Variants in ALK observed in about 807,000 individuals in gnomAD.
The protein encoded by ALK is ALK tyrosine kinase receptor.
A neutral mutation model predicts 163.1 loss-of-function variants in ALK; 74 were observed. The ratio of observed to expected loss-of-function variants is 0.45; its 90% confidence interval spans 0.38 to 0.55. The LOEUF is 0.55. Ranked by LOEUF, ALK falls within the 20% of genes least tolerant of loss-of-function variation. ALK has a pLI of 0.00. For synonymous variants in ALK, 960 were observed against 843.2 expected, an observed-to-expected ratio of 1.14 and a Z score of -2.40; for missense variants, 2,063 against 2,105.3, an observed-to-expected ratio of 0.98 and a Z score of 0.39.
At chr2:29,528,686 G>A (rs758352061) in intron 4 of ALK, among the ~76,000 whole-genome samples, 7 of 152,106 alleles carry the variant, frequency 4.6e-5, no homozygotes, top group Non-Finnish European at 1.0e-4. Flanking sequence ...GCACTTATTA[G>A]TGCCAATGAT....
At chr2:29,700,880 C>A (rs534696234) in intron 2 of ALK, among the ~76,000 whole-genome samples, 2 of 152,276 alleles carry the variant, frequency 1.3e-5, no homozygotes, top group African/African-American at 4.8e-5. Context: ...CAATGACAAA[C>A]CACCTTGAAC....
At chr2:29,275,284 A>G in intron 10 of ALK, 57 bp from the exon 11 acceptor site, 4 of 1,613,186 alleles carry the variant, frequency 2.5e-6, no homozygotes, top group Non-Finnish European at 3.4e-6. Flanking sequence ...TCAGGGTGAG[A>G]GATGATTTCA....
intron 1 of ALK, among the ~76,000 whole-genome samples, chr2:29,860,272 A>C (rs888391490): frequency 3.9e-5 from 6 of 152,134 alleles, no homozygotes; most frequent in Non-Finnish European, 7.4e-5. Flanking sequence ...GGTACCTCTC[A>C]AATCCTACCA....
At chr2:29,428,483 A>T (rs1461728508) in intron 4 of ALK, among the ~76,000 whole-genome samples, 1 of 152,006 alleles carries the variant, frequency 6.6e-6, no homozygotes, top group Admixed American at 6.5e-5. Flanking sequence ...ATACTGTTTA[A>T]AAAAAGCTAT....
chr2:29,555,423 T>C (rs1304957086), intron 3 of ALK, among the ~76,000 whole-genome samples: 1 of 152,094 alleles, frequency 6.6e-6, no homozygotes, highest in African/African-American at 2.4e-5. Flanking sequence ...CTGGGTAATC[T>C]CCCCAGTCAT....
At chr2:29,279,649 G>A (rs1446543471) in intron 9 of ALK, among the ~76,000 whole-genome samples, 1 of 152,188 alleles carries the variant, frequency 6.6e-6, no homozygotes, top group Non-Finnish European at 1.5e-5. Context: ...AAGGTGCCTG[G>A]TTGTGTGTCT....
At chr2:29,900,474 C>T (rs988939227) in intron 1 of ALK, among the ~76,000 whole-genome samples, 2 of 152,230 alleles carry the variant, frequency 1.3e-5, no homozygotes, top group Non-Finnish European at 2.9e-5. Flanking sequence ...CTCCTTAGCC[C>T]CTATTTCCTA....
intron 26 of ALK, among the ~76,000 whole-genome samples, chr2:29,198,267 C>T (rs533741074): frequency 2.0e-5 from 3 of 152,278 alleles, no homozygotes; most frequent in South Asian, 4.1e-4. Context: ...CACTCATCAA[C>T]TTCACTGGCC....
At chr2:29,429,909 C>T (rs1017627646) in intron 4 of ALK, among the ~76,000 whole-genome samples, 4 of 152,098 alleles carry the variant, frequency 2.6e-5, no homozygotes, top group Non-Finnish European at 4.4e-5. Context: ...GAAATAAACC[C>T]TCAAATTTGT....
intron 5 of ALK, among the ~76,000 whole-genome samples, chr2:29,346,978 T>G (rs1225500092): frequency 6.6e-6 from 1 of 152,212 alleles, no homozygotes; most frequent in African/African-American, 2.4e-5. Context: ...GTGGTCTCCA[T>G]CTGCTTTCCT....
At chr2:29,588,267 T>C (rs1288280282) in intron 3 of ALK, among the ~76,000 whole-genome samples, 1 of 152,174 alleles carries the variant, frequency 6.6e-6, no homozygotes, top group Non-Finnish European at 1.5e-5. Flanking sequence ...AGTCTCACTC[T>C]GTCGCCCAGG....
intron 9 of ALK, 151 bp downstream of exon 9, chr2:29,296,737 G>T: frequency 1.3e-6 from 1 of 791,884 alleles, no homozygotes; most frequent in Non-Finnish European, 2.1e-6. Context: ...GTGTGTGTGT[G>T]TGTGCACGTG....
At chr2:29,268,050 C>T (rs568169372) in intron 11 of ALK, among the ~76,000 whole-genome samples, 3 of 152,178 alleles carry the variant, frequency 2.0e-5, no homozygotes, top group Non-Finnish European at 2.9e-5. Flanking sequence ...TTTTCTCAGG[C>T]CAGCCAGGAG....
intron 4 of ALK, among the ~76,000 whole-genome samples, chr2:29,524,329 T>C (rs1339553692): frequency 1.3e-5 from 2 of 152,242 alleles, no homozygotes; most frequent in East Asian, 1.9e-4. Flanking sequence ...GGAGTCCTCC[T>C]GAGAAGAGCT....
intron 1 of ALK, among the ~76,000 whole-genome samples, chr2:29,785,101 C>T (rs776214773): frequency 9.9e-5 from 15 of 152,186 alleles, no homozygotes; most frequent in Non-Finnish European, 1.6e-4. Flanking sequence ...CTTAGACATC[C>T]GGAGAGCTGG....
rs139479114 is a variant in ALK at position 29,386,258 on chromosome 2, C to T, written c.1155-2399G>A. On this transcript the variant is annotated intron_variant, in intron 4 of 28. Coordinates refer to ENST00000389048, the MANE Select transcript of ALK (RefSeq NM_004304.5). ...CATTTAATAAAAGTGTATTGAGTTT[C>T]CCCACAATAGATGCTGTAGAAGGGA... Among the ~76,000 whole-genome samples, 507 of 152,278 alleles carry T rather than the reference C, an allele frequency of 3.3e-3. 6 individuals carry two copies. The highest frequency in any genetic ancestry group is 0.011 in the African/African-American group (465 of 41,530).
rs560690295 is a variant in ALK, at chr2:29,224,658, C to A, written c.3172+803G>T. The A allele has an allele frequency of 6.7e-4, 151 of 223,936 alleles. 2 individuals are homozygous for A. In the East Asian group the frequency reaches 9.7e-3, roughly 14 times the overall value. 13.9% of individuals were successfully genotyped at this position (223,936 alleles called of 1,614,324 possible). ...TTCCCTCCTCTATGCAATGGACCGACCGTGATCAGATTAGGGTTACCTGAG... is the reference window on the plus strand; with the variant it reads ...TTCCCTCCTCTATGCAATGGACCGAACGTGATCAGATTAGGGTTACCTGAG... On this transcript the variant is annotated intron_variant, in intron 19 of 28. Coordinates refer to ENST00000389048, the MANE Select transcript of ALK (RefSeq NM_004304.5).
chr2:29,244,195 G>C (rs139400979), intron 12 of ALK, among the ~76,000 whole-genome samples: 164 of 152,312 alleles, frequency 1.1e-3, no homozygotes, highest in Non-Finnish European at 1.7e-3. Context: ...CTGGAGGAGC[G>C]GCAGAGTGGC....
chr2:29,822,767 T>G (rs888305026), intron 1 of ALK, among the ~76,000 whole-genome samples: 1 of 152,224 alleles, frequency 6.6e-6, no homozygotes, highest in African/African-American at 2.4e-5. Context: ...TGGATTATAG[T>G]CCTTGCCCAT....
Sources: allele counts gnomAD v4.1 joint callset (sites outside exome capture counted in the v4.1 genomes callset), GRCh38; gene constraint gnomAD v4.1.1; transcripts MANE v1.5; gene names NCBI Gene and HGNC (gene_info 2026-07-23, HGNC 2026-07-21).